The following FZD4 variants were observed in gnomAD, a reference collection of about 807,000 sequenced individuals.
FZD4 encodes the protein frizzled class receptor 4.
FZD4 carries 16 observed loss-of-function variants against 37.3 expected under a neutral mutation model. That is an observed-to-expected ratio of 0.43 (90% CI 0.29 to 0.65). FZD4 has a LOEUF of 0.65. Ranked by LOEUF, FZD4 falls within the 30% of genes least tolerant of loss-of-function variation. The pLI is 0.16. For synonymous variants in FZD4, 246 were observed against 254.8 expected, an observed-to-expected ratio of 0.97 and a Z score of 0.33; for missense variants, 599 against 674.3, an observed-to-expected ratio of 0.89 and a Z score of 1.24.
At position 86,951,844 on chromosome 11, in the gene FZD4, T is replaced by G; in HGVS notation, c.912A>C (p.Ile304=). The G allele has an allele frequency of 6.2e-7, 1 of 1,613,736 alleles. No homozygotes were observed. The highest frequency in any genetic ancestry group is 8.5e-7 in the Non-Finnish European group (1 of 1,180,016). ...CAAAAAAGTACATCAGCAAGAAAAT[T>G]ATTGCACATCCTGTGTTCTTAAGTC... is the stretch of plus-strand genomic sequence containing the variant. ...QEGLKNTGCA[I]IFLLMYFFGM... The change falls in exon 2 of 2, where the codon ATA becomes ATC. Residue 304 remains isoleucine (I), a synonymous_variant. Coordinates refer to ENST00000531380, the MANE Select transcript of FZD4 (RefSeq NM_012193.4).
In FZD4 at chr11:86,955,140, C is replaced by G. The variant is rs1200955437; in HGVS notation, c.-55G>C. ...GCTGGGGCTGCTCTGGCAGACACCC[C>G]CAGTTTGCACGGGGGCGCCGGCTGC... On this transcript the variant is annotated 5_prime_UTR_variant, in exon 1 of 2. Transcript: ENST00000531380. 1.5e-6 allele frequency: 2 copies of G among 1,331,984 alleles called. No individual in the cohort carries two copies. Among genetic ancestry groups the G allele is most frequent in the Non-Finnish European group, 1.9e-6 (2 of 1,027,040 alleles). 82.5% of individuals were successfully genotyped at this position (1,331,984 alleles called of 1,614,324 possible).
chr11:86,955,166 C>T lies in FZD4; in HGVS notation c.-81G>A. The T allele has an allele frequency of 8.9e-7, 1 of 1,126,208 alleles. No individual in the cohort carries two copies. Among genetic ancestry groups the T allele is most frequent in the Non-Finnish European group, 1.2e-6 (1 of 845,638 alleles). 69.8% of individuals were successfully genotyped at this position (1,126,208 alleles called of 1,614,324 possible). A position where few individuals can be genotyped will look rare whatever the true frequency, so the allele number is the denominator to read the frequency against. On this transcript the variant is annotated 5_prime_UTR_variant, in exon 1 of 2. Coordinates refer to ENST00000531380, the MANE Select transcript of FZD4 (RefSeq NM_012193.4). The stretch of plus-strand genomic sequence containing the variant: ...CAGTTTGCACGGGGGCGCCGGCTGC[C>T]CGCGCTGCTCCCAGCTCCCGGGACG...
chr11:86,946,216 C>T lies in FZD4; in HGVS notation c.*4926G>A, dbSNP rs1360382386. 1.3e-5 allele frequency: 2 copies of T among 152,206 alleles called. No homozygotes were observed. Among genetic ancestry groups the T allele is most frequent in the Non-Finnish European group, 2.9e-5 (2 of 68,068 alleles). 9.4% of individuals were successfully genotyped at this position (152,206 alleles called of 1,614,324 possible). ...AAGTCAGGGCCCCAGCCTATTAGTA[C>T]AATTTGAAAACTTTCACAACCTCGG... On this transcript the variant is annotated 3_prime_UTR_variant, in exon 2 of 2. Coordinates refer to ENST00000531380, the MANE Select transcript of FZD4 (RefSeq NM_012193.4).
At position 86,952,633 on chromosome 11, in the gene FZD4, C is replaced by T. The variant is rs180680385; in HGVS notation, c.286-163G>A. 512 of 679,728 alleles carry T rather than the reference C, an allele frequency of 7.5e-4. 1 individual carries two copies. The highest frequency in any genetic ancestry group is 1.5e-3 in the East Asian group (56 of 37,606). The allele number at this position is 679,728 out of a possible 1,614,324, so 42.1% of individuals were successfully genotyped here. A position where few individuals can be genotyped will look rare whatever the true frequency, so the allele number is the denominator to read the frequency against. ...TGTTTACTCTGACCTCAAACAAGGG[C>T]GCCTGATAATCCATCACTTACATAC... On this transcript the variant is annotated intron_variant, in intron 1 of 1. Transcript: ENST00000531380.
chr11:86,948,094 C>T lies in FZD4; in HGVS notation c.*3048G>A, dbSNP rs908282661. 3.9e-5 allele frequency: 6 copies of T among 152,224 alleles called. No homozygotes were observed. Among genetic ancestry groups the T allele is most frequent in the African/African-American group, 1.4e-4 (6 of 41,438 alleles). 9.4% of individuals were successfully genotyped at this position (152,224 alleles called of 1,614,324 possible). ...GATTTCTCCAGAGACTGTCACGAAG[C>T]AGAGCTGATGCTTTCTGTTAAAACC... On this transcript the variant is annotated 3_prime_UTR_variant, in exon 2 of 2. Coordinates refer to ENST00000531380, the MANE Select transcript of FZD4 (RefSeq NM_012193.4).
At chr11:86,952,562 G>A in intron 1 of FZD4, 92 bp from the exon 2 acceptor site, 1 of 1,396,340 alleles carries the variant, frequency 7.2e-7, no homozygotes, top group Admixed American at 1.7e-5. Context: ...AATGCTTCCA[G>A]GCAATCTAGG....
At position 86,952,634 on chromosome 11, in the gene FZD4, G is replaced by A. The variant is rs117941971; in HGVS notation, c.286-164C>T. 10,765 of 673,416 alleles carry A rather than the reference G, an allele frequency of 0.016. 588 individuals carry two copies. Among genetic ancestry groups the A allele is most frequent in the East Asian group, 0.14 (5,148 of 37,342 alleles). 41.7% of individuals were successfully genotyped at this position (673,416 alleles called of 1,614,324 possible). The stretch of plus-strand genomic sequence containing the variant: ...GTTTACTCTGACCTCAAACAAGGGC[G>A]CCTGATAATCCATCACTTACATACT... On this transcript the variant is annotated intron_variant, in intron 1 of 1. Coordinates refer to ENST00000531380, the MANE Select transcript of FZD4 (RefSeq NM_012193.4).
At position 86,951,123 on chromosome 11, in the gene FZD4, G is replaced by C. The variant is rs1949286589; in HGVS notation, c.*19C>G. The C allele has an allele frequency of 6.2e-7, 1 of 1,612,634 alleles. No individual in the cohort carries two copies. The highest frequency in any genetic ancestry group is 1.3e-5 in the African/African-American group (1 of 74,878). ...CATTCCCCCCTTCAAAATGAAGAAA[G>C]CATGGAGGCTGACTAGCCTTATACC... On this transcript the variant is annotated 3_prime_UTR_variant, in exon 2 of 2. Transcript: ENST00000531380.
chr11:86,952,985 C>CA (rs1281554664), intron 1 of FZD4: 2 of 154,088 alleles, frequency 1.3e-5, no homozygotes, highest in Non-Finnish European at 2.9e-5. Context: ...CATACTGAAA[C>CA]AAAAAATGGC....
rs2135037830 is a variant in FZD4, at chr11:86,949,984, ATGCTTT to A, written c.*1152_*1157del. On this transcript the variant is annotated 3_prime_UTR_variant, in exon 2 of 2. Transcript: ENST00000531380. ...TAGACCAGATTCTGATAACATTCTT[ATGCTTT>A]AAAAAATAAAAAAATTTTTAAAGGC... 6.6e-6 allele frequency: 1 copy of A among 152,472 alleles called. No individual in the cohort carries two copies. Among genetic ancestry groups the A allele is most frequent in the South Asian group, 2.1e-4 (1 of 4,834 alleles). The allele number at this position is 152,472 out of a possible 1,614,324, so 9.4% of individuals were successfully genotyped here.
chr11:86,953,890 C>T (rs1304899946), intron 1 of FZD4, among the ~76,000 whole-genome samples: 1 of 152,206 alleles, frequency 6.6e-6, no homozygotes, highest in African/African-American at 2.4e-5. Context: ...GCTGGGATTA[C>T]AGGCGTGAGC....
At position 86,954,942 on chromosome 11, in the gene FZD4, G is replaced by A. The variant is rs1031657261; in HGVS notation, c.144C>T (p.Ile48=). Residue 48 remains isoleucine (I), a synonymous_variant, in exon 1 of 2, where the codon ATC becomes ATT. Transcript: ENST00000531380. ...CGAGGTTCTGGCACATGGAGATGCG[G>A]ATGGGGTCGCAGCGCCGCTCTTCCT... ...GDEEERRCDP[I]RISMCQNLGY... The A allele has an allele frequency of 3.5e-5, 56 of 1,613,420 alleles. No individual in the cohort carries two copies. The highest frequency in any genetic ancestry group is 4.7e-5 in the Non-Finnish European group (55 of 1,179,824).
At position 86,951,586 on chromosome 11, in the gene FZD4, G is replaced by A. The variant is rs747925802; in HGVS notation, c.1170C>T (p.Phe390=). The part of the protein sequence containing the change: ...GNQNLDALTG[F]VVAPLFTYLV... Reference sequence around the variant, plus strand: ...AATAAGTAAAGAGGGGAGCCACCACGAACCCGGTGAGGGCATCGAGATTTT... The same window carrying A: ...AATAAGTAAAGAGGGGAGCCACCACAAACCCGGTGAGGGCATCGAGATTTT... The change falls in exon 2 of 2, where the codon TTC becomes TTT. Residue 390 remains phenylalanine (F), a synonymous_variant. Coordinates refer to ENST00000531380, the MANE Select transcript of FZD4 (RefSeq NM_012193.4). The A allele has an allele frequency of 1.7e-5, 27 of 1,613,854 alleles. No homozygotes were observed. In the African/African-American group the frequency reaches 2.1e-4, roughly 13 times the overall value.
Position 86,950,911 on chromosome 11 carries a change from T to C in FZD4, c.*231A>G, listed in dbSNP as rs1949284851. The C allele has an allele frequency of 1.7e-6, 1 of 593,472 alleles. No homozygotes were observed. The highest frequency in any genetic ancestry group is 1.9e-5 in the African/African-American group (1 of 53,770). 36.8% of individuals were successfully genotyped at this position (593,472 alleles called of 1,614,324 possible). ...ATCAACGTTTTGATTTTTCACAGCTTTGAAAGCCTCTAACTGGCTTTTCCA... is the reference window on the plus strand; with the variant it reads ...ATCAACGTTTTGATTTTTCACAGCTCTGAAAGCCTCTAACTGGCTTTTCCA... On this transcript the variant is annotated 3_prime_UTR_variant, in exon 2 of 2. Coordinates refer to ENST00000531380, the MANE Select transcript of FZD4 (RefSeq NM_012193.4).
Position 86,955,268 on chromosome 11 carries a change from C to T in FZD4, c.-183G>A, listed in dbSNP as rs1045863758. Reference sequence around the variant, plus strand: ...CGCGACTGTGTGGGATTTTAGACGTCCCGGGCCGAGGCCGAGGGACAGGCT... The same window carrying T: ...CGCGACTGTGTGGGATTTTAGACGTTCCGGGCCGAGGCCGAGGGACAGGCT... On this transcript the variant is annotated 5_prime_UTR_variant, in exon 1 of 2. Transcript: ENST00000531380. The T allele has an allele frequency of 1.2e-5, 6 of 493,132 alleles. No individual in the cohort carries two copies. Among genetic ancestry groups the T allele is most frequent in the African/African-American group, 8.2e-5 (4 of 48,956 alleles). The allele number at this position is 493,132 out of a possible 1,614,324, so 30.5% of individuals were successfully genotyped here. A position where few individuals can be genotyped will look rare whatever the true frequency, so the allele number is the denominator to read the frequency against.
At position 86,947,910 on chromosome 11, in the gene FZD4, A is replaced by G. The variant is rs1949257159; in HGVS notation, c.*3232T>C. ...CATACCCATTTACTGTAGGTTTCAG[A>G]GAAAGAAAAACAACCCTCACCTTTT... On this transcript the variant is annotated 3_prime_UTR_variant, in exon 2 of 2. Transcript: ENST00000531380. 1.3e-5 allele frequency: 2 copies of G among 152,270 alleles called. No individual in the cohort carries two copies. Among genetic ancestry groups the G allele is most frequent in the Non-Finnish European group, 2.9e-5 (2 of 68,064 alleles). The allele number at this position is 152,270 out of a possible 1,614,324, so 9.4% of individuals were successfully genotyped here.
rs982170218 is a variant in FZD4, at chr11:86,951,115, T to C, written c.*27A>G. ...AATGCTGGCATTCCCCCCTTCAAAA[T>C]GAAGAAAGCATGGAGGCTGACTAGC... On this transcript the variant is annotated 3_prime_UTR_variant, in exon 2 of 2. Transcript: ENST00000531380. The C allele has an allele frequency of 1.9e-6, 3 of 1,612,230 alleles. No individual in the cohort carries two copies.
Position 86,950,925 on chromosome 11 carries a change from C to T in FZD4, c.*217G>A. The T allele has an allele frequency of 1.6e-6, 1 of 614,036 alleles. No homozygotes were observed. The highest frequency in any genetic ancestry group is 2.9e-6 in the Non-Finnish European group (1 of 346,750). 38.0% of individuals were successfully genotyped at this position (614,036 alleles called of 1,614,324 possible). On this transcript the variant is annotated 3_prime_UTR_variant, in exon 2 of 2. Coordinates refer to ENST00000531380, the MANE Select transcript of FZD4 (RefSeq NM_012193.4). The stretch of plus-strand genomic sequence containing the variant: ...TTTTCACAGCTTTGAAAGCCTCTAA[C>T]TGGCTTTTCCATTTTGGATCATTCC...
At chr11:86,953,650 C>G (rs138038210) in intron 1 of FZD4, among the ~76,000 whole-genome samples, 124 of 151,988 alleles carry the variant, frequency 8.2e-4, no homozygotes, top group African/African-American at 2.7e-3. Context: ...GAGTTTCGCT[C>G]CTGTGGCCCA....
Sources: allele counts gnomAD v4.1 joint callset (sites outside exome capture counted in the v4.1 genomes callset), GRCh38; gene constraint gnomAD v4.1.1; transcripts MANE v1.5; gene names NCBI Gene and HGNC (gene_info 2026-07-23, HGNC 2026-07-21).